The following MYO5B variants were observed in gnomAD, a reference collection of about 807,000 sequenced individuals.
The protein encoded by MYO5B is unconventional myosin-Vb.
In MYO5B, 143 loss-of-function variants were observed where a neutral mutation model predicts 229.3. The ratio of observed to expected loss-of-function variants is 0.62; its 90% CI spans 0.54 to 0.72. The LOEUF (loss-of-function observed/expected upper bound fraction) is 0.72. Among genes scored for constraint, MYO5B ranks in the 30% least tolerant of loss-of-function variants. MYO5B has a pLI of 0.00. For missense variants in MYO5B, 2,321 were observed against 2,331.0 expected (o/e 1.00, Z 0.09); for synonymous variants, 918 against 885.2 (o/e 1.04, Z -0.66).
chr18:50,095,078 C>A (rs1295014273), intron 1 of MYO5B, among the ~76,000 whole-genome samples: 2 of 152,190 alleles, frequency 1.3e-5, no homozygotes, highest in Admixed American at 1.3e-4. Context: ...AATCCACTGA[C>A]CTCAACCCCA....
intron 1 of MYO5B, among the ~76,000 whole-genome samples, chr18:50,104,686 T>C (rs1386867330): frequency 6.6e-6 from 1 of 152,212 alleles, no homozygotes; most frequent in African/African-American, 2.4e-5. Context: ...CCATGCGCTC[T>C]TACATTACAG....
At chr18:50,189,970 A>G (rs2144362359) in intron 1 of MYO5B, among the ~76,000 whole-genome samples, 1 of 152,282 alleles carries the variant, frequency 6.6e-6, no homozygotes, top group Non-Finnish European at 1.5e-5. Flanking sequence ...CCAGTAAAGT[A>G]ACCTCCCAGC....
At position 49,974,330 on chromosome 18, in the gene MYO5B, G is replaced by T; in HGVS notation, c.1322+20C>A. ...GCCACTCCCAGGTAGCAGATAGAGC[G>T]AGACAGGCGGCAGGCCTACCCATAG... is the stretch of plus-strand genomic sequence containing the variant. On this transcript the variant is annotated intron_variant, in intron 10 of 39. Transcript: ENST00000285039. The T allele has an allele frequency of 6.2e-7, 1 of 1,614,184 alleles. No individual in the cohort carries two copies. Among genetic ancestry groups the T allele is most frequent in the East Asian group, 2.2e-5 (1 of 44,872 alleles).
At position 50,177,824 on chromosome 18, in the gene MYO5B, A is replaced by G. The variant is rs1009124488; in HGVS notation, c.27+16943T>C. ...ACATGCAAGGCAGGCACACCCAGCC[A>G]CAGGGAATAGCAAGAGGTGAAGCCT... On this transcript the variant is annotated intron_variant, in intron 1 of 39. Transcript: ENST00000285039. 3.3e-5 allele frequency among the ~76,000 whole-genome samples: 5 copies of G among 152,348 alleles called. No individual in the cohort carries two copies. The South Asian group carries it at 1.0e-3, about 32-fold the overall frequency.
chr18:50,003,055 T>A (rs886070490), intron 4 of MYO5B, among the ~76,000 whole-genome samples: 3 of 151,976 alleles, frequency 2.0e-5, no homozygotes, highest in African/African-American at 7.2e-5. Flanking sequence ...ATGGTCCAAT[T>A]AGAGACGGCC....
chr18:49,871,610 G>C (rs1037348213), intron 27 of MYO5B: 9 of 162,774 alleles, frequency 5.5e-5, no homozygotes, highest in Non-Finnish European at 1.1e-4. Context: ...CAAGGAGTTC[G>C]ATCTGTAACA....
intron 21 of MYO5B, 89 bp from the exon 22 acceptor site, chr18:49,895,263 A>T (rs564682956): frequency 9.0e-7 from 1 of 1,109,430 alleles, no homozygotes; most frequent in East Asian, 2.4e-5. Context: ...GAAGGCAATC[A>T]AAAAAGGAAC....
At chr18:50,044,346 C>T (rs141971570) in intron 2 of MYO5B, among the ~76,000 whole-genome samples, 17 of 152,262 alleles carry the variant, frequency 1.1e-4, no homozygotes, top group African/African-American at 3.9e-4. Flanking sequence ...TATTTGACAT[C>T]TAAGTGTTTA....
At chr18:49,958,048 T>A (rs1169064664) in intron 12 of MYO5B, among the ~76,000 whole-genome samples, 2 of 152,110 alleles carry the variant, frequency 1.3e-5, no homozygotes, top group African/African-American at 2.4e-5. Context: ...CTTTACAAAA[T>A]ACCCCTCTGC....
rs889151857 is a variant in MYO5B at position 50,194,880 on chromosome 18, C to A, written c.-87G>T. The A allele has an allele frequency of 8.1e-7, 1 of 1,234,538 alleles. No individual in the cohort carries two copies. Among genetic ancestry groups the A allele is most frequent in the Non-Finnish European group, 1.0e-6 (1 of 990,330 alleles). 76.5% of individuals were successfully genotyped at this position (1,234,538 alleles called of 1,614,324 possible). ...GCTGGCCCGCCTGGCGCCATGTTCCCGGGCTGGCCTGGAGTTTCTCGATCT... is the reference window on the plus strand; with the variant it reads ...GCTGGCCCGCCTGGCGCCATGTTCCAGGGCTGGCCTGGAGTTTCTCGATCT... On this transcript the variant is annotated 5_prime_UTR_variant, in exon 1 of 40. Coordinates refer to ENST00000285039, the MANE Select transcript of MYO5B (RefSeq NM_001080467.3).
Position 49,904,730 on chromosome 18 carries a change from GC to G in MYO5B, c.2512del (p.Ala838LeufsTer66). On this transcript the variant is annotated frameshift_variant, in exon 20 of 40. Coordinates refer to ENST00000285039, the MANE Select transcript of MYO5B (RefSeq NM_001080467.3). LOFTEE classifies it high-confidence loss of function. Reference protein sequence around the residue: ...ARQAYQRVRRAAVVIQAFTRA... With the variant: ...ARQAYQRVRRXAVVIQAFTRA... ...GGTGAAGGCCTGGATAACAACGGCA[GC>G]TCTGCGGACCCTCTGGTAGGCCTGG... The G allele has an allele frequency of 6.2e-7, 1 of 1,614,108 alleles. No individual in the cohort carries two copies. The highest frequency in any genetic ancestry group is 1.1e-5 in the South Asian group (1 of 91,084).
intron 1 of MYO5B, among the ~76,000 whole-genome samples, chr18:50,065,081 T>C (rs1343843137): frequency 6.6e-6 from 1 of 152,180 alleles, no homozygotes; most frequent in Admixed American, 6.5e-5. Context: ...GAGCTCTCAA[T>C]TTTCCTTCCA....
At chr18:49,956,239 G>A (rs2025491175) in intron 12 of MYO5B, among the ~76,000 whole-genome samples, 1 of 152,142 alleles carries the variant, frequency 6.6e-6, no homozygotes. Flanking sequence ...TGTTTGCCAG[G>A]CCATTTTCTA....
At chr18:49,965,257 A>T (rs1345870152) in intron 10 of MYO5B, among the ~76,000 whole-genome samples, 1 of 152,170 alleles carries the variant, frequency 6.6e-6, no homozygotes, top group Admixed American at 6.5e-5. Flanking sequence ...AACAGGATGG[A>T]TGTGGTCACA....
At chr18:50,110,991 A>T (rs1003067280) in intron 1 of MYO5B, among the ~76,000 whole-genome samples, 1 of 152,234 alleles carries the variant, frequency 6.6e-6, no homozygotes, top group African/African-American at 2.4e-5. Flanking sequence ...GTTCACAATG[A>T]TAAGATTTCA....
chr18:50,019,828 C>G (rs566730233), intron 4 of MYO5B, among the ~76,000 whole-genome samples: 64 of 152,172 alleles, frequency 4.2e-4, no homozygotes, highest in Non-Finnish European at 8.4e-4. Flanking sequence ...AAGAATTGGA[C>G]CAAAAAATAT....
chr18:49,894,993 TC>T lies in MYO5B; in HGVS notation c.2992del (p.Glu998SerfsTer16). ...LRTELQRAHS[E>X]RKILEDAHSR... is the part of the protein sequence containing the mutation. ...GTGGGCGTCCTCCAAGATCTTGCGC[TC>T]CGAGTGGGCCCTCTGCAGCTCTGTG... On this transcript the variant is annotated frameshift_variant, in exon 22 of 40. Coordinates refer to ENST00000285039, the MANE Select transcript of MYO5B (RefSeq NM_001080467.3). LOFTEE classifies it high-confidence loss of function. 1 of 1,613,818 alleles carries T rather than the reference TC, an allele frequency of 6.2e-7. No individual in the cohort carries two copies. Among genetic ancestry groups the T allele is most frequent in the Non-Finnish European group, 8.5e-7 (1 of 1,180,024 alleles).
At chr18:49,913,310 T>C (rs565113851) in intron 17 of MYO5B, among the ~76,000 whole-genome samples, 6 of 152,316 alleles carry the variant, frequency 3.9e-5, no homozygotes, top group South Asian at 2.1e-4. Context: ...CCTTTCTCAT[T>C]AAGGTGGTCT....
chr18:49,967,604 AG>A (rs2025640355), intron 10 of MYO5B, among the ~76,000 whole-genome samples: 1 of 152,220 alleles, frequency 6.6e-6, no homozygotes, highest in Non-Finnish European at 1.5e-5. Flanking sequence ...TATAACATGG[AG>A]AAATTCTCCC....
Sources: allele counts gnomAD v4.1 joint callset (sites outside exome capture counted in the v4.1 genomes callset), GRCh38; gene constraint gnomAD v4.1.1; transcripts MANE v1.5; gene names NCBI Gene and HGNC (gene_info 2026-07-23, HGNC 2026-07-21).